Variants in CHD1L observed in about 807,000 individuals in gnomAD.
CHD1L encodes ATP-dependent chromatin remodeler CHD1L.
A neutral mutation model predicts 115.9 loss-of-function variants in CHD1L; 118 were observed. The observed-to-expected ratio is 1.02, with a 90% CI of 0.88 to 1.19. The LOEUF is 1.19. Ranked by LOEUF, CHD1L falls within the 50% of genes most tolerant of loss-of-function variation. The pLI, the probability that CHD1L is intolerant of heterozygous loss-of-function variation, is 0.00. For synonymous variants in CHD1L, 411 were observed against 387.1 expected (o/e 1.06, Z -0.72); for missense variants, 1,179 against 1,065.3 (o/e 1.11, Z -1.49).
chr1:147,202,733 T>G, the CHD1L span, among the ~76,000 whole-genome samples: 1 of 152,224 alleles, frequency 6.6e-6, no homozygotes, highest in Non-Finnish European at 1.5e-5. Flanking sequence ...CATTTAGTTA[T>G]GCTTTGACAC....
chr1:147,242,942 G>T (rs144558067), intron 1 of CHD1L, 112 bp downstream of exon 1: 1 of 1,165,400 alleles, frequency 8.6e-7, no homozygotes, highest in Non-Finnish European at 1.1e-6. Flanking sequence ...ACCCGCTCGC[G>T]CCAGGGCCTT....
Position 147,275,355 on chromosome 1 carries a change from T to A in CHD1L, c.1272T>A (p.Gly424=). 1 of 1,611,178 alleles carries A rather than the reference T, an allele frequency of 6.2e-7. No individual in the cohort carries two copies. Among genetic ancestry groups the A allele is most frequent in the Non-Finnish European group, 8.5e-7 (1 of 1,177,310 alleles). The part of the protein sequence containing the change: ...IFVFLLSTRA[G]GVGMNLTAAD... ...CATTCCTTTTTGCATTGTTTTCAGGTGGAGTTGGCATGAACTTAACAGCAG... is the reference window on the plus strand; with the variant it reads ...CATTCCTTTTTGCATTGTTTTCAGGAGGAGTTGGCATGAACTTAACAGCAG... The change falls in exon 13 of 23, where the codon GGT becomes GGA. Residue 424 remains glycine (G), a splice_region_variant and synonymous_variant. Coordinates refer to ENST00000369258, the MANE Select transcript of CHD1L (RefSeq NM_004284.6).
chr1:147,245,529 G>T (rs1465502153), intron 1 of CHD1L, among the ~76,000 whole-genome samples: 1 of 152,104 alleles, frequency 6.6e-6, no homozygotes, highest in Non-Finnish European at 1.5e-5. Flanking sequence ...CAGCCTAGAT[G>T]TTACTCCTCC....
Position 147,293,610 on chromosome 1 carries a change from G to A in CHD1L, c.2394G>A (p.Leu798=), listed in dbSNP as rs1686419936. The change falls in exon 21 of 23, where the codon TTG becomes TTA. Residue 798 remains leucine, a splice_region_variant and synonymous_variant. Coordinates refer to ENST00000369258, the MANE Select transcript of CHD1L (RefSeq NM_004284.6). The part of the protein sequence containing the change: ...KESRNKGQDL[L]ALIVAQHRDR... Reference sequence around the variant, plus strand: ...CATCTAATGGTGGTTCTTTCCAGTTGGCCTTGATTGTGGCTCAGCATCGTG... The same window carrying A: ...CATCTAATGGTGGTTCTTTCCAGTTAGCCTTGATTGTGGCTCAGCATCGTG... 2 of 1,613,642 alleles carry A rather than the reference G, an allele frequency of 1.2e-6. No individual in the cohort carries two copies. The highest frequency in any genetic ancestry group is 1.7e-6 in the Non-Finnish European group (2 of 1,179,754).
At chr1:147,264,075 G>A (rs1553946114) in intron 6 of CHD1L, among the ~76,000 whole-genome samples, 4 of 152,076 alleles carry the variant, frequency 2.6e-5, no homozygotes, top group African/African-American at 2.4e-5. Flanking sequence ...TAGACTCCCC[G>A]ACACAGGCAG....
rs587608207 is a variant in CHD1L at position 147,291,692 on chromosome 1, G to C, written c.2391+140G>C. The C allele has an allele frequency of 5.4e-5, 36 of 670,590 alleles. No homozygotes were observed. In the South Asian group the frequency reaches 6.3e-4, roughly 12 times the overall value. 41.5% of individuals were successfully genotyped at this position (670,590 alleles called of 1,614,324 possible). ...ATAACAAAAAGACACAGACTAGGTA[G>C]CTTAAACAACAGAAATGTATTTCCT... On this transcript the variant is annotated intron_variant, in intron 20 of 22. Transcript: ENST00000369258.
At chr1:147,178,241 G>A in the CHD1L span, 1 of 1,613,678 alleles carries the variant, frequency 6.2e-7, no homozygotes, top group South Asian at 1.1e-5. Context: ...TCCGACACGG[G>A]CTCTGCGGGC....
chr1:147,223,113 A>T, the CHD1L span, among the ~76,000 whole-genome samples: 1 of 152,222 alleles, frequency 6.6e-6, no homozygotes, highest in Admixed American at 6.5e-5. Context: ...AGAGAAGCTT[A>T]ATGATGTGCC....
At chr1:147,202,161 T>C in the CHD1L span, among the ~76,000 whole-genome samples, 1 of 151,990 alleles carries the variant, frequency 6.6e-6, no homozygotes, top group South Asian at 2.1e-4. Context: ...CTTGGTATAC[T>C]TCGGGCTTGT....
At chr1:147,213,637 T>C in the CHD1L span, among the ~76,000 whole-genome samples, 3 of 152,172 alleles carry the variant, frequency 2.0e-5, no homozygotes, top group East Asian at 5.8e-4. Context: ...GTAGTCAGAA[T>C]GAGAAAATTT....
At chr1:147,234,973 C>G in the CHD1L span, among the ~76,000 whole-genome samples, 2 of 152,150 alleles carry the variant, frequency 1.3e-5, no homozygotes, top group Non-Finnish European at 2.9e-5. Flanking sequence ...CTGCAAGTCA[C>G]ATGACTAAGG....
At chr1:147,200,312 A>C in the CHD1L span, among the ~76,000 whole-genome samples, 64 of 152,266 alleles carry the variant, frequency 4.2e-4, no homozygotes, top group Non-Finnish European at 8.8e-4. Context: ...GGAAATTCTC[A>C]TATCTCTCCT....
chr1:147,265,316 A>G (rs1277787231), intron 7 of CHD1L, among the ~76,000 whole-genome samples: 2 of 152,238 alleles, frequency 1.3e-5, no homozygotes, highest in Non-Finnish European at 2.9e-5. Flanking sequence ...AGTCAAATGC[A>G]TGACATACTT....
the CHD1L span, chr1:147,176,101 A>G: frequency 6.6e-6 from 1 of 152,218 alleles, no homozygotes; most frequent in Admixed American, 6.5e-5. Context: ...TATGAAAATT[A>G]TGCCTAAATT....
chr1:147,265,559 G>C (rs1334374192), intron 7 of CHD1L, among the ~76,000 whole-genome samples: 1 of 152,192 alleles, frequency 6.6e-6, no homozygotes, highest in Non-Finnish European at 1.5e-5. Flanking sequence ...CTTTGGATAA[G>C]TTGCCTAATT....
chr1:147,290,001 G>A (rs1335101819), intron 19 of CHD1L, among the ~76,000 whole-genome samples: 1 of 152,236 alleles, frequency 6.6e-6, no homozygotes, highest in Non-Finnish European at 1.5e-5. Context: ...AGCACAACCA[G>A]TATTTTAGAA....
chr1:147,286,751 C>G lies in CHD1L; in HGVS notation c.2221+251C>G, dbSNP rs189129611. On this transcript the variant is annotated intron_variant, in intron 18 of 22. Coordinates refer to ENST00000369258, the MANE Select transcript of CHD1L (RefSeq NM_004284.6). ...ATGATGGGACAATATCTGTCTTATC[C>G]TCTGCACAAGGTTTTTAAGAGGGTG... Among the ~76,000 whole-genome samples the G allele has an allele frequency of 3.9e-5, 6 of 152,288 alleles. No homozygotes were observed. In the East Asian group the frequency reaches 1.2e-3, roughly 29 times the overall value.
chr1:147,249,506 A>G (rs1245448595), intron 1 of CHD1L, among the ~76,000 whole-genome samples: 2 of 146,208 alleles, frequency 1.4e-5, no homozygotes, highest in Middle Eastern at 3.8e-3. Context: ...CCTGGGTTCA[A>G]GCAATTTTCG....
chr1:147,292,394 C>G (rs1326208987), intron 20 of CHD1L, among the ~76,000 whole-genome samples: 1 of 152,122 alleles, frequency 6.6e-6, no homozygotes, highest in Non-Finnish European at 1.5e-5. Flanking sequence ...TTGATTTACC[C>G]CACCTACCTG....
Sources: allele counts gnomAD v4.1 joint callset (sites outside exome capture counted in the v4.1 genomes callset), GRCh38; gene constraint gnomAD v4.1.1; transcripts MANE v1.5; gene names NCBI Gene and HGNC (gene_info 2026-07-23, HGNC 2026-07-21).